The following OGG1 variants were observed in gnomAD, a reference collection of about 807,000 sequenced individuals.
OGG1 encodes the protein 8-oxoguanine DNA glycosylase.
OGG1 carries 35 observed loss-of-function variants against 42.3 expected under a neutral mutation model. The ratio of observed to expected loss-of-function variants is 0.83; its 90% CI spans 0.63 to 1.10. The LOEUF is 1.10. Ranked by LOEUF, OGG1 falls within the 50% of genes least tolerant of loss-of-function variation. The pLI, the probability that OGG1 is intolerant of heterozygous loss-of-function variation, is 0.00. For missense variants in OGG1, 484 were observed against 446.7 expected (o/e 1.08, Z -0.75); for synonymous variants, 189 against 179.0 (o/e 1.06, Z -0.44).
At chr3:9,770,614 G>A (rs144559226), downstream of OGG1, among the ~76,000 whole-genome samples, 1 of 152,280 alleles carries the variant, frequency 6.6e-6, no homozygotes, top group African/African-American at 2.4e-5. Context: ...GTTAAATCGG[G>A]ATCCTGAAGG....
downstream of OGG1, chr3:9,761,145 ATTTT>A: frequency 2.9e-6 from 1 of 339,038 alleles, no homozygotes; most frequent in African/African-American, 2.1e-5. Flanking sequence ...CACAGTATTT[ATTTT>A]TATCACCTGA....
At chr3:9,790,706 A>G (rs1316379723), downstream of OGG1, among the ~76,000 whole-genome samples, 1 of 152,236 alleles carries the variant, frequency 6.6e-6, no homozygotes, top group Non-Finnish European at 1.5e-5. Flanking sequence ...AGTTTTTGCA[A>G]AAAATTCTCT....
Position 9,749,990 on chromosome 3 carries a change from C to T in OGG1, c.-297C>T, listed in dbSNP as rs1314876778. 4 of 467,194 alleles carry T rather than the reference C, an allele frequency of 8.6e-6. No individual in the cohort carries two copies. The highest frequency in any genetic ancestry group is 1.2e-5 in the Non-Finnish European group (3 of 257,574). The allele number at this position is 467,194 out of a possible 1,614,324, so 28.9% of individuals were successfully genotyped here. ...TCTGCCCCTGGAGAACCCAGAAGAA[C>T]ACAGCTGTGCGCGCCCACAGGCTCT... On this transcript the variant is annotated 5_prime_UTR_variant, in exon 1 of 7. Coordinates refer to ENST00000344629, the MANE Select transcript of OGG1 (RefSeq NM_002542.6).
At chr3:9,784,918 T>C (rs963449932) in intron 3 of OGG1, among the ~76,000 whole-genome samples, 6 of 151,944 alleles carry the variant, frequency 3.9e-5, no homozygotes, top group Non-Finnish European at 7.4e-5. Flanking sequence ...AAAAATAGTA[T>C]TATACCATCC....
At chr3:9,771,411 C>G (rs2078296517), downstream of OGG1, among the ~76,000 whole-genome samples, 1 of 152,164 alleles carries the variant, frequency 6.6e-6, no homozygotes, top group Admixed American at 6.5e-5. Context: ...CCTGGTCATG[C>G]TTTACCTCTC....
chr3:9,783,143 C>T (rs1377601441), intron 3 of OGG1: 4 of 152,246 alleles, frequency 2.6e-5, no homozygotes, highest in African/African-American at 9.6e-5. Context: ...GGAGAATATA[C>T]TGATGTTTAT....
chr3:9,766,361 C>CT (rs2078152241), exon 8 of OGG1: 1 of 650,138 alleles, frequency 1.5e-6, no homozygotes, highest in Non-Finnish European at 2.8e-6. Context: ...TGGTTCATCC[C>CT]TTTTTCTGCT....
chr3:9,783,040 A>G (rs1162683312), intron 3 of OGG1: 1 of 152,262 alleles, frequency 6.6e-6, no homozygotes, highest in Admixed American at 6.5e-5. Flanking sequence ...GATTCCCAAA[A>G]GAACATGTCC....
chr3:9,790,984 T>G (rs1186682682), downstream of OGG1, among the ~76,000 whole-genome samples: 2 of 152,242 alleles, frequency 1.3e-5, no homozygotes, highest in Non-Finnish European at 2.9e-5. Flanking sequence ...ATAACTGTCC[T>G]AATTACCTTT....
At chr3:9,771,807 CTTCTT>C (rs2078303730) in intron 2 of OGG1, among the ~76,000 whole-genome samples, 2 of 133,626 alleles carry the variant, frequency 1.5e-5, no homozygotes, top group Non-Finnish European at 3.1e-5. Flanking sequence ...ACTTGTACAA[CTTCTT>C]TTTTTTTTTT....
chr3:9,759,755 A>T, downstream of OGG1: 2 of 1,613,788 alleles, frequency 1.2e-6, no homozygotes, highest in Non-Finnish European at 1.7e-6. Flanking sequence ...CTTTGGCTAA[A>T]CCCCCAAGAC....
downstream of OGG1, among the ~76,000 whole-genome samples, chr3:9,770,598 G>A (rs2078280278): frequency 6.6e-6 from 1 of 152,206 alleles, no homozygotes; most frequent in South Asian, 2.1e-4. Flanking sequence ...AATTGGGGAG[G>A]AGGAAGTTAA....
chr3:9,768,236 T>C (rs1005689318), downstream of OGG1, among the ~76,000 whole-genome samples: 1 of 152,140 alleles, frequency 6.6e-6, no homozygotes, highest in East Asian at 1.9e-4. Flanking sequence ...CCCCGGCCTC[T>C]CCGAAATCAG....
downstream of OGG1, chr3:9,761,496 C>T (rs2077870118): frequency 6.2e-7 from 1 of 1,613,398 alleles, no homozygotes; most frequent in Non-Finnish European, 8.5e-7. Flanking sequence ...ACCAGCAATC[C>T]ACAGCCTTGC....
At chr3:9,772,347 C>G (rs1246606790) in intron 2 of OGG1, among the ~76,000 whole-genome samples, 16 of 152,180 alleles carry the variant, frequency 1.1e-4, no homozygotes, top group Admixed American at 1.0e-3. Flanking sequence ...CCAACCTAAA[C>G]CAGCTTCATC....
chr3:9,750,195 G>A lies in OGG1; in HGVS notation c.-92G>A. The A allele has an allele frequency of 6.6e-7, 1 of 1,507,444 alleles. No homozygotes were observed. Among genetic ancestry groups the A allele is most frequent in the South Asian group, 1.2e-5 (1 of 80,684 alleles). The allele number at this position is 1,507,444 out of a possible 1,614,324, so 93.4% of individuals were successfully genotyped here. Reference sequence around the variant, plus strand: ...GCACCGTGTGGGCGAGGCCTTAAGGGTCGTGGTCCTTGTCTGGGCGGGGTC... The same window carrying A: ...GCACCGTGTGGGCGAGGCCTTAAGGATCGTGGTCCTTGTCTGGGCGGGGTC... On this transcript the variant is annotated 5_prime_UTR_variant, in exon 1 of 7. Coordinates refer to ENST00000344629, the MANE Select transcript of OGG1 (RefSeq NM_002542.6).
Position 9,750,121 on chromosome 3 carries a change from G to A in OGG1, c.-166G>A. 1 of 872,550 alleles carries A rather than the reference G, an allele frequency of 1.1e-6. No individual in the cohort carries two copies. Among genetic ancestry groups the A allele is most frequent in the Non-Finnish European group, 1.7e-6 (1 of 578,330 alleles). The allele number at this position is 872,550 out of a possible 1,614,324, so 54.1% of individuals were successfully genotyped here. On this transcript the variant is annotated 5_prime_UTR_variant, in exon 1 of 7. Coordinates refer to ENST00000344629, the MANE Select transcript of OGG1 (RefSeq NM_002542.6). ...GCTTTGATGACCCGCAAAGGGCGAGGCATGCAGGAGGTGGAGGAATTAAGT... is the reference window on the plus strand; with the variant it reads ...GCTTTGATGACCCGCAAAGGGCGAGACATGCAGGAGGTGGAGGAATTAAGT...
Position 9,750,246 on chromosome 3 carries a change from TG to T in OGG1, c.-38del. The T allele has an allele frequency of 6.3e-7, 1 of 1,590,984 alleles. No individual in the cohort carries two copies. Reference sequence around the variant, plus strand: ...TTTGGGCGTCGACGAGGCCTGGTTCTGGGTAGGCGGGGCTACTACGGGGCGG... The same window carrying T: ...TTTGGGCGTCGACGAGGCCTGGTTCTGGTAGGCGGGGCTACTACGGGGCGG... On this transcript the variant is annotated 5_prime_UTR_variant, in exon 1 of 7. An upstream open reading frame in the 5' UTR gains an earlier in-frame stop. Transcript: ENST00000344629.
At position 9,756,527 on chromosome 3, in the gene OGG1, T is replaced by A; in HGVS notation, c.804T>A (p.Asp268Glu). Residue 268 changes from aspartate (D) to glutamate (E), a missense_variant, in exon 5 of 7, where the codon GAT becomes GAA. Transcript: ENST00000344629. Reference sequence around the variant, plus strand: ...ACAAGCCCCAGGCTGTGCCCGTGGATGTCCATATGTGGCACATTGCCCAAC... The same window carrying A: ...ACAAGCCCCAGGCTGTGCCCGTGGAAGTCCATATGTGGCACATTGCCCAAC... ...ALDKPQAVPV[D>E]VHMWHIAQRD... The A allele has an allele frequency of 6.2e-7, 1 of 1,614,178 alleles. No homozygotes were observed. The highest frequency in any genetic ancestry group is 8.5e-7 in the Non-Finnish European group (1 of 1,180,026).
Sources: gnomAD v4.1 joint callset for allele counts (sites outside exome capture counted in the v4.1 genomes callset) on GRCh38, gnomAD v4.1.1 for gene constraint, MANE v1.5 for transcripts, NCBI Gene and HGNC (gene_info 2026-07-23, HGNC 2026-07-21) for gene names.